The following RBFOX1 variants were observed in gnomAD, a reference collection of about 807,000 sequenced individuals.
RBFOX1 encodes RNA binding protein fox-1 homolog 1.
Under a neutral mutation model 57.7 loss-of-function variants are expected in RBFOX1, and 8 were observed. That is an observed-to-expected ratio of 0.14 (90% confidence interval 0.08 to 0.25). The LOEUF is 0.25. RBFOX1 is among the 10% of genes least tolerant of loss of function. The pLI, the probability that RBFOX1 is intolerant of heterozygous loss-of-function variation, is 1.00. For missense variants in RBFOX1, 611 were observed against 548.5 expected, an observed-to-expected ratio of 1.11 and a Z score of -1.14; for synonymous variants, 326 against 222.4, an observed-to-expected ratio of 1.47 and a Z score of -4.15.
intron 1 of RBFOX1, among the ~76,000 whole-genome samples, chr16:6,124,878 A>C (rs1403133773): frequency 6.6e-6 from 1 of 152,144 alleles, no homozygotes; most frequent in East Asian, 1.9e-4. Flanking sequence ...TAGCCCAAAC[A>C]AGCAGATTTT....
At chr16:5,717,871 T>C (rs1433453857) in intron 3 of RBFOX1, among the ~76,000 whole-genome samples, 2 of 152,230 alleles carry the variant, frequency 1.3e-5, no homozygotes, top group Non-Finnish European at 2.9e-5. Flanking sequence ...TGTTTACAGA[T>C]GAGAAATTGC....
intron 10 of RBFOX1, among the ~76,000 whole-genome samples, 192 bp from the exon 11 acceptor site, chr16:7,630,411 T>A (rs2060759610): frequency 6.6e-6 from 1 of 151,508 alleles, no homozygotes; most frequent in Non-Finnish European, 1.5e-5. Context: ...GTGGGCCGGG[T>A]TGTGGTGGGT....
chr16:6,934,492 C>T (rs1441427869), intron 3 of RBFOX1, among the ~76,000 whole-genome samples: 1 of 152,024 alleles, frequency 6.6e-6, no homozygotes, highest in African/African-American at 2.4e-5. Context: ...CATCAGTGGG[C>T]TAATGGACAA....
intron 1 of RBFOX1, among the ~76,000 whole-genome samples, chr16:6,287,801 G>A (rs1333481376): frequency 6.6e-6 from 1 of 152,040 alleles, no homozygotes; most frequent in Non-Finnish European, 1.5e-5. Context: ...ACCTATATGT[G>A]GAGGAACTCC....
chr16:6,393,994 C>T (rs1320058876), intron 2 of RBFOX1, among the ~76,000 whole-genome samples: 1 of 152,180 alleles, frequency 6.6e-6, no homozygotes, highest in Non-Finnish European at 1.5e-5. Flanking sequence ...AAGGCGTTTT[C>T]ATTTTGGAAA....
chr16:5,768,840 A>T (rs1016543222), intron 3 of RBFOX1, among the ~76,000 whole-genome samples: 1 of 152,116 alleles, frequency 6.6e-6, no homozygotes, highest in Non-Finnish European at 1.5e-5. Flanking sequence ...CCCAGAGAAG[A>T]TGCTCGACTA....
chr16:5,403,642 C>T (rs554158539), intron 1 of RBFOX1, among the ~76,000 whole-genome samples: 37 of 152,164 alleles, frequency 2.4e-4, no homozygotes, highest in African/African-American at 6.3e-4. Context: ...GACGAGGTTT[C>T]GCCATGTTGG....
chr16:5,848,345 G>A (rs530084960), intron 3 of RBFOX1, among the ~76,000 whole-genome samples: 37 of 152,190 alleles, frequency 2.4e-4, no homozygotes, highest in South Asian at 4.2e-4. Context: ...TTGTTTTCTG[G>A]CTCTGGATCT....
chr16:5,519,611 G>A (rs1223272912), intron 2 of RBFOX1, among the ~76,000 whole-genome samples: 1 of 152,146 alleles, frequency 6.6e-6, no homozygotes. Context: ...TGTGGTTTCA[G>A]CTACACTGGA....
intron 3 of RBFOX1, among the ~76,000 whole-genome samples, chr16:5,676,531 G>C (rs937275954): frequency 1.3e-5 from 2 of 152,184 alleles, no homozygotes; most frequent in Admixed American, 6.5e-5. Flanking sequence ...ATAGCAATGA[G>C]TTGTTGTGAG....
chr16:6,096,022 T>G (rs9302816), intron 1 of RBFOX1, among the ~76,000 whole-genome samples: 8,076 of 152,292 alleles, frequency 0.053, 533 homozygotes, highest in African/African-American at 0.16. Context: ...CTTTCAGAGT[T>G]TAAGACGATG....
intron 11 of RBFOX1, among the ~76,000 whole-genome samples, chr16:7,638,986 C>G (rs1311418308): frequency 6.7e-6 from 1 of 149,478 alleles, no homozygotes; most frequent in Non-Finnish European, 1.5e-5. Flanking sequence ...TTTTAAATGA[C>G]GTGAAGTAGT....
chr16:6,521,274 G>A (rs2096492051), intron 2 of RBFOX1, among the ~76,000 whole-genome samples: 1 of 152,126 alleles, frequency 6.6e-6, no homozygotes, highest in Non-Finnish European at 1.5e-5. Context: ...AAAGGTGCAT[G>A]CACGTTTTTA....
intron 13 of RBFOX1, among the ~76,000 whole-genome samples, chr16:7,665,421 T>G (rs554427185): frequency 6.6e-6 from 1 of 152,170 alleles, no homozygotes; most frequent in African/African-American, 2.4e-5. Flanking sequence ...GGAACACTCT[T>G]TCTCTCTCTA....
chr16:5,595,617 T>C (rs187752311), intron 2 of RBFOX1, among the ~76,000 whole-genome samples: 1 of 152,192 alleles, frequency 6.6e-6, no homozygotes, highest in African/African-American at 2.4e-5. Context: ...TCAAATGATA[T>C]GGAGGCTTAT....
At chr16:7,428,900 A>C (rs2098650602) in intron 4 of RBFOX1, among the ~76,000 whole-genome samples, 1 of 152,158 alleles carries the variant, frequency 6.6e-6, no homozygotes, top group Non-Finnish European at 1.5e-5. Context: ...GTAGTGAGTG[A>C]CACTACTCAC....
intron 1 of RBFOX1, among the ~76,000 whole-genome samples, chr16:5,301,865 T>C (rs981327949): frequency 3.3e-5 from 5 of 152,178 alleles, no homozygotes; most frequent in Admixed American, 2.6e-4. Context: ...ATAGCTAATA[T>C]AGTGTTTATT....
chr16:5,423,782 C>T (rs1423077169), intron 1 of RBFOX1, among the ~76,000 whole-genome samples: 1 of 152,164 alleles, frequency 6.6e-6, no homozygotes, highest in Non-Finnish European at 1.5e-5. Flanking sequence ...CATCCTCTCC[C>T]TGTTTCGTGT....
intron 3 of RBFOX1, chr16:6,705,413 C>G (rs1319358): frequency 0.26 from 40,225 of 151,926 alleles, 6,348 homozygotes; most frequent in East Asian, 0.64. Flanking sequence ...TATAGAAATA[C>G]CTACAGACAT....
Sources: gnomAD v4.1 joint callset for allele counts (sites outside exome capture counted in the v4.1 genomes callset) on GRCh38, gnomAD v4.1.1 for gene constraint, MANE v1.5 for transcripts, NCBI Gene and HGNC (gene_info 2026-07-23, HGNC 2026-07-21) for gene names.